CNTN4: variants seen among roughly 807,000 people sequenced by gnomAD.
The protein encoded by CNTN4 is contactin 4.
In CNTN4, 77 loss-of-function variants were observed where a neutral mutation model predicts 122.5. The observed-to-expected ratio is 0.63, with a 90% CI of 0.52 to 0.76. CNTN4 has a LOEUF of 0.76. Among genes scored for constraint, CNTN4 ranks in the 30% least tolerant of loss-of-function variants. The pLI, the probability that CNTN4 is intolerant of heterozygous loss-of-function variation, is 0.00. For synonymous variants in CNTN4, 512 were observed against 447.0 expected (o/e 1.15, Z -1.83); for missense variants, 1,256 against 1,259.1 (o/e 1.00, Z 0.04).
intron 3 of CNTN4, among the ~76,000 whole-genome samples, chr3:2,493,485 A>G (rs1401237442): frequency 6.7e-6 from 1 of 148,296 alleles, no homozygotes; most frequent in East Asian, 2.0e-4. Flanking sequence ...TGCAAACCAC[A>G]CACGGATCTA....
At chr3:2,575,333 G>A (rs563742282) in intron 4 of CNTN4, among the ~76,000 whole-genome samples, 21 of 152,118 alleles carry the variant, frequency 1.4e-4, no homozygotes, top group South Asian at 8.3e-4. Flanking sequence ...CCAACATGGC[G>A]AAACCCAGTC....
intron 13 of CNTN4, among the ~76,000 whole-genome samples, chr3:2,957,086 T>C (rs1418139521): frequency 6.6e-6 from 1 of 152,220 alleles, no homozygotes; most frequent in Non-Finnish European, 1.5e-5. Flanking sequence ...TGAATAATGC[T>C]CTGATGAATA....
At chr3:2,380,433 G>T (rs537427725) in intron 3 of CNTN4, among the ~76,000 whole-genome samples, 8 of 137,450 alleles carry the variant, frequency 5.8e-5, no homozygotes, top group Admixed American at 5.7e-4. Context: ...CATGAAATGT[G>T]TCTATTTTAC....
At chr3:2,532,101 T>C (rs978682497) in intron 3 of CNTN4, among the ~76,000 whole-genome samples, 4 of 152,222 alleles carry the variant, frequency 2.6e-5, no homozygotes, top group South Asian at 2.1e-4. Context: ...TCAACCTGTA[T>C]TCTTGTGGCT....
At chr3:2,481,064 TCTTTCTCTCTTTCTC>T (rs1575730873) in intron 3 of CNTN4, among the ~76,000 whole-genome samples, 23 of 115,196 alleles carry the variant, frequency 2.0e-4, no homozygotes, top group Admixed American at 6.7e-4. Flanking sequence ...TTTCTTTCTC[TCTTTCTCTCTTTCTC>T]TCTTTCTCTC....
At chr3:2,585,650 G>C (rs4685531) in intron 4 of CNTN4, among the ~76,000 whole-genome samples, 87,860 of 146,334 alleles carry the variant, frequency 0.6, 26,582 homozygotes, top group East Asian at 0.74. Flanking sequence ...GAGAACACAT[G>C]GACACAGGAA....
chr3:2,880,273 C>G (rs1337891885), intron 8 of CNTN4, among the ~76,000 whole-genome samples: 1 of 152,170 alleles, frequency 6.6e-6, no homozygotes, highest in Admixed American at 6.5e-5. Flanking sequence ...GTATTCTAAC[C>G]TTATTGTCTC....
intron 3 of CNTN4, among the ~76,000 whole-genome samples, chr3:2,463,731 C>T (rs1416933730): frequency 1.3e-5 from 2 of 152,012 alleles, no homozygotes; most frequent in Non-Finnish European, 2.9e-5. Context: ...TTCACTCCAG[C>T]CTGTGCAACA....
chr3:2,656,986 A>G (rs1257417961), intron 4 of CNTN4, among the ~76,000 whole-genome samples: 3 of 152,170 alleles, frequency 2.0e-5, no homozygotes, highest in African/African-American at 4.8e-5. Context: ...ATAGTTTAAG[A>G]TTACAGTGGT....
chr3:2,951,816 C>G (rs2094748726), intron 13 of CNTN4, among the ~76,000 whole-genome samples: 1 of 152,132 alleles, frequency 6.6e-6, no homozygotes, highest in Non-Finnish European at 1.5e-5. Context: ...CTCTAGTGAC[C>G]TTCAATGCAC....
At chr3:2,985,768 A>G (rs1189876479) in intron 13 of CNTN4, among the ~76,000 whole-genome samples, 1 of 152,208 alleles carries the variant, frequency 6.6e-6, no homozygotes, top group Non-Finnish European at 1.5e-5. Flanking sequence ...GTTAATTTGC[A>G]TATTGATTTC....
chr3:2,588,435 C>A (rs531821848), intron 4 of CNTN4, among the ~76,000 whole-genome samples: 190 of 151,480 alleles, frequency 1.3e-3, no homozygotes, highest in South Asian at 3.1e-3. Flanking sequence ...GGTGTGATCT[C>A]GGCTCACTGC....
At chr3:2,785,370 C>CA (rs1255829425) in intron 6 of CNTN4, among the ~76,000 whole-genome samples, 2 of 152,068 alleles carry the variant, frequency 1.3e-5, no homozygotes, top group Non-Finnish European at 2.9e-5. Context: ...AGGCAGGAAG[C>CA]AAAAGGAGTG....
intron 3 of CNTN4, among the ~76,000 whole-genome samples, chr3:2,495,732 A>T (rs1208456389): frequency 6.6e-6 from 1 of 152,166 alleles, no homozygotes; most frequent in Non-Finnish European, 1.5e-5. Context: ...CCTGAGGGGG[A>T]ACAGTTTCAT....
chr3:2,759,174 A>C (rs1467579415), intron 6 of CNTN4, among the ~76,000 whole-genome samples: 1 of 151,458 alleles, frequency 6.6e-6, no homozygotes, highest in African/African-American at 2.4e-5. Context: ...CTTTTTTTTG[A>C]GATGGAGTTT....
chr3:2,615,035 T>G (rs2081653137), intron 4 of CNTN4, among the ~76,000 whole-genome samples: 1 of 152,088 alleles, frequency 6.6e-6, no homozygotes. Flanking sequence ...CAGTGACGGC[T>G]CATTTCCTCA....
intron 3 of CNTN4, among the ~76,000 whole-genome samples, chr3:2,353,721 C>A (rs2044742856): frequency 6.6e-6 from 1 of 152,132 alleles, no homozygotes. Flanking sequence ...TCTGGACACA[C>A]CGTCTCTACT....
chr3:2,227,425 ATAGT>A (rs759519368), intron 2 of CNTN4, among the ~76,000 whole-genome samples: 6 of 152,116 alleles, frequency 3.9e-5, no homozygotes, highest in African/African-American at 7.2e-5. Context: ...TAGCTGACTA[ATAGT>A]TAGTGTCCTT....
intron 3 of CNTN4, among the ~76,000 whole-genome samples, chr3:2,539,745 T>C (rs1378029847): frequency 6.6e-6 from 1 of 152,152 alleles, no homozygotes; most frequent in Non-Finnish European, 1.5e-5. Context: ...CGAGCTTTGC[T>C]ACCTAATGCT....
Sources: gnomAD v4.1 joint callset for allele counts (sites outside exome capture counted in the v4.1 genomes callset) on GRCh38, gnomAD v4.1.1 for gene constraint, MANE v1.5 for transcripts, NCBI Gene and HGNC (gene_info 2026-07-23, HGNC 2026-07-21) for gene names.